GRHL1: variants seen among roughly 807,000 people sequenced by gnomAD.
The protein encoded by GRHL1 is grainyhead like transcription factor 1.
Under a neutral mutation model 75.7 loss-of-function variants are expected in GRHL1, and 38 were observed. The ratio of observed to expected loss-of-function variants is 0.50; its 90% CI spans 0.39 to 0.66. GRHL1 has a LOEUF of 0.66. Among genes scored for constraint, GRHL1 ranks in the 30% least tolerant of loss-of-function variants. The probability of loss-of-function intolerance (pLI) is 0.00; values close to 1 mark genes in which losing one functional copy is unlikely to be tolerated. For synonymous variants in GRHL1, 266 were observed against 279.4 expected (o/e 0.95, Z 0.48); for missense variants, 589 against 767.5 (o/e 0.77, Z 2.75).
chr2:9,961,380 C>CA lies in GRHL1; in HGVS notation c.616dup (p.Arg206LysfsTer40). 6.2e-7 allele frequency: 1 copy of CA among 1,614,124 alleles called. No homozygotes were observed. On this transcript the variant is annotated frameshift_variant, in exon 4 of 16. Coordinates refer to ENST00000324907, the MANE Select transcript of GRHL1 (RefSeq NM_198182.3). LOFTEE classifies it high-confidence loss of function. Reference sequence around the variant, plus strand: ...CTCTGGTGCTCAAGCCCCAAATGCTCAAAGGCGAACTCCAGACTCGACCTT... The same window carrying CA: ...CTCTGGTGCTCAAGCCCCAAATGCTCAAAAGGCGAACTCCAGACTCGACCTT...
At chr2:9,969,032 A>G (rs569830493) in intron 8 of GRHL1, among the ~76,000 whole-genome samples, 15 of 152,356 alleles carry the variant, frequency 9.8e-5, no homozygotes, top group African/African-American at 3.6e-4. Context: ...TTGTTCTGCA[A>G]CAATTTCAGT....
chr2:9,984,559 G>A (rs988963985), intron 8 of GRHL1, among the ~76,000 whole-genome samples: 5 of 152,160 alleles, frequency 3.3e-5, no homozygotes, highest in Admixed American at 1.3e-4. Flanking sequence ...ATGTGACTCA[G>A]CTTATTTTAA....
At chr2:9,952,385 G>A (rs958682212) in intron 1 of GRHL1, among the ~76,000 whole-genome samples, 1 of 152,076 alleles carries the variant, frequency 6.6e-6, no homozygotes, top group Non-Finnish European at 1.5e-5. Flanking sequence ...CCCGATGTCC[G>A]GGCGTTTTCT....
intron 7 of GRHL1, chr2:9,964,811 T>C (rs752006082): frequency 2.4e-5 from 4 of 168,044 alleles, no homozygotes; most frequent in Non-Finnish European, 5.1e-5. Context: ...GGCAAACCTG[T>C]GCAAATCTGT....
chr2:9,995,807 G>T (rs1017231022), intron 12 of GRHL1, 72 bp from the exon 13 acceptor site: 1 of 816,134 alleles, frequency 1.2e-6, no homozygotes, highest in Non-Finnish European at 2.1e-6. Context: ...TCCATGACAG[G>T]CTCTAAAACA....
intron 12 of GRHL1, 111 bp from the exon 13 acceptor site, chr2:9,995,768 T>TA (rs1288121493): frequency 1.4e-6 from 1 of 690,560 alleles, no homozygotes; most frequent in Non-Finnish European, 2.6e-6. Flanking sequence ...CTGGACCAGA[T>TA]AAAGAATGAA....
chr2:9,958,490 A>T (rs1667134389), intron 2 of GRHL1, among the ~76,000 whole-genome samples: 1 of 149,536 alleles, frequency 6.7e-6, no homozygotes, highest in Admixed American at 6.7e-5. Flanking sequence ...CAGCGGAGGT[A>T]TTTTTTTTTT....
chr2:9,959,130 CTTAT>C, intron 3 of GRHL1: 2 of 235,420 alleles, frequency 8.5e-6, no homozygotes, highest in Non-Finnish European at 1.6e-5. Flanking sequence ...TCAGTATTTG[CTTAT>C]TTGTTTTTGA....
chr2:9,953,021 T>G lies in GRHL1; in HGVS notation c.20+1168T>G, dbSNP rs368872324. Reference sequence around the variant, plus strand: ...GAGCCTTCGGCGACTGAAGCCTACTTCCTGACTGTCATGAGGAAGTGGACT... The same window carrying G: ...GAGCCTTCGGCGACTGAAGCCTACTGCCTGACTGTCATGAGGAAGTGGACT... On this transcript the variant is annotated intron_variant, in intron 1 of 15. Transcript: ENST00000324907. 22 of 456,796 alleles carry G rather than the reference T, an allele frequency of 4.8e-5. No individual in the cohort carries two copies. In the East Asian group the frequency reaches 1.2e-3, roughly 26 times the overall value. The allele number at this position is 456,796 out of a possible 1,614,324, so 28.3% of individuals were successfully genotyped here.
chr2:9,969,987 C>T (rs953240904), intron 8 of GRHL1, among the ~76,000 whole-genome samples: 11 of 152,026 alleles, frequency 7.2e-5, no homozygotes, highest in Admixed American at 5.9e-4. Context: ...GGACTACAGG[C>T]GTCCGCCACC....
intron 13 of GRHL1, 149 bp downstream of exon 13, chr2:9,996,119 T>G (rs1441090356): frequency 9.8e-6 from 7 of 717,862 alleles, no homozygotes; most frequent in Middle Eastern, 4.9e-4. Flanking sequence ...GAGCTAGGAC[T>G]TAGAGCAAAG....
intron 2 of GRHL1, 42 bp downstream of exon 2, chr2:9,955,143 A>C: frequency 7.7e-7 from 1 of 1,290,558 alleles, no homozygotes; most frequent in Non-Finnish European, 1.1e-6. Flanking sequence ...GCAGTCTCCA[A>C]TGCACTTGAT....
intron 14 of GRHL1, among the ~76,000 whole-genome samples, 166 bp from the exon 15 acceptor site, chr2:9,998,775 TATATACGTATATATATGTACACAC>T (rs1558321251): frequency 0.18 from 9,086 of 50,062 alleles, 2,940 homozygotes; most frequent in Non-Finnish European, 0.23. Context: ...TGTACACACA[TATATACGTATATATATGTACACAC>T]ATATATATAC....
chr2:9,992,219 C>G lies in GRHL1; in HGVS notation c.1461+73C>G. 2.0e-6 allele frequency: 3 copies of G among 1,472,760 alleles called. No individual in the cohort carries two copies. The South Asian group carries it at 3.7e-5, about 18-fold the overall frequency. 91.2% of individuals were successfully genotyped at this position (1,472,760 alleles called of 1,614,324 possible). On this transcript the variant is annotated intron_variant, in intron 11 of 15. Transcript: ENST00000324907. This position sits in a 1 kb window ranked among gnomAD's most constrained non-coding sequence, Gnocchi z 4.6. ...CAAAAGGAAATTCTTTGGCATTATTCATGGGAAACAGAAGCCAAAATTGAG... is the reference window on the plus strand; with the variant it reads ...CAAAAGGAAATTCTTTGGCATTATTGATGGGAAACAGAAGCCAAAATTGAG...
chr2:9,983,789 TAAACCTGAATGCA>T (rs1668301287), intron 8 of GRHL1, among the ~76,000 whole-genome samples: 1 of 151,302 alleles, frequency 6.6e-6, no homozygotes, highest in African/African-American at 2.4e-5. Flanking sequence ...TTTTTTTTTT[TAAACCTGAATGCA>T]TTCCACAGAC....
Position 9,951,782 on chromosome 2 carries a change from T to C in GRHL1, c.-52T>C, listed in dbSNP as rs905019009. ...CCTCCTCCCCCCGGATCGGGTGTACTGTCCCAACCCGAAAGTCCAGTTCTG... is the reference window on the plus strand; with the variant it reads ...CCTCCTCCCCCCGGATCGGGTGTACCGTCCCAACCCGAAAGTCCAGTTCTG... On this transcript the variant is annotated 5_prime_UTR_variant, in exon 1 of 16. Transcript: ENST00000324907. This position sits in a 1 kb window ranked among gnomAD's most constrained non-coding sequence, Gnocchi z 4.2. 75 of 1,500,042 alleles carry C rather than the reference T, an allele frequency of 5.0e-5. No homozygotes were observed. The African/African-American group carries it at 1.0e-3, about 21-fold the overall frequency. The allele number at this position is 1,500,042 out of a possible 1,614,324, so 92.9% of individuals were successfully genotyped here. A position where few individuals can be genotyped will look rare whatever the true frequency, so the allele number is the denominator to read the frequency against.
rs764322253 is a variant in GRHL1, at chr2:9,963,991, G to A, written c.852G>A (p.Leu284=). ...LNKGQFYPIT[L]KEVSSSEGIH... Reference sequence around the variant, plus strand: ...AAGGCCAGTTCTATCCCATCACCTTGAAGGAGGTGAGCAGCAGTGAAGGAA... The same window carrying A: ...AAGGCCAGTTCTATCCCATCACCTTAAAGGAGGTGAGCAGCAGTGAAGGAA... Residue 284 remains leucine, a synonymous_variant, in exon 6 of 16, where the codon TTG becomes TTA. Transcript: ENST00000324907. 2 of 1,612,632 alleles carry A rather than the reference G, an allele frequency of 1.2e-6. No homozygotes were observed. Among genetic ancestry groups the A allele is most frequent in the South Asian group, 2.2e-5 (2 of 91,066 alleles).
intron 8 of GRHL1, among the ~76,000 whole-genome samples, chr2:9,978,074 G>A (rs1194927995): frequency 2.6e-5 from 4 of 152,156 alleles, no homozygotes; most frequent in Admixed American, 6.5e-5. Context: ...AGAACAGTAT[G>A]GGGGAAATCG....
chr2:9,958,506 A>G (rs1270832867), intron 2 of GRHL1, among the ~76,000 whole-genome samples: 1 of 151,418 alleles, frequency 6.6e-6, no homozygotes, highest in East Asian at 1.9e-4. Flanking sequence ...TTTTTAAGAG[A>G]TGAGACCCAA....
Sources: gnomAD v4.1 joint callset for allele counts (sites outside exome capture counted in the v4.1 genomes callset) on GRCh38, gnomAD v4.1.1 for gene constraint, Gnocchi (gnomAD v3.1) non-coding constraint, MANE v1.5 for transcripts, NCBI Gene and HGNC (gene_info 2026-07-23, HGNC 2026-07-21) for gene names.